Variants in PPP4R1 observed in about 807,000 individuals in gnomAD.
PPP4R1 encodes the protein protein phosphatase 4 regulatory subunit 1, also known as serine/threonine-protein phosphatase 4 regulatory subunit 1.
Under a neutral mutation model 111.2 loss-of-function variants are expected in PPP4R1, and 42 were observed. The ratio of observed to expected loss-of-function variants is 0.38; its 90% CI spans 0.29 to 0.49. The LOEUF is 0.49. Among genes scored for constraint, PPP4R1 ranks in the 20% least tolerant of loss-of-function variants. The probability of loss-of-function intolerance (pLI) is 0.97; values close to 1 mark genes in which losing one functional copy is unlikely to be tolerated. For synonymous variants in PPP4R1, 409 were observed against 405.5 expected (o/e 1.01, Z -0.10); for missense variants, 1,012 against 1,161.6 (o/e 0.87, Z 1.87).
intron 15 of PPP4R1, among the ~76,000 whole-genome samples, chr18:9,554,276 T>TCCGCG: frequency 6.6e-6 from 1 of 151,916 alleles, no homozygotes; most frequent in Middle Eastern, 3.4e-3. Context: ...TACAGGCGCA[T>TCCGCG]GCCACCACGC....
rs771903431 is a variant in PPP4R1 at position 9,583,240 on chromosome 18, T to C, written c.795A>G (p.Val265=). ...CAGCACAAGCCTTTCGGACTCCCCA[T>C]ACATTATCAGAACAAAGCTGGAAAA... The part of the protein sequence containing the change: ...PRFFQLCSDN[V]WGVRKACAEC... The change falls in exon 9 of 20, where the codon GTA becomes GTG. Residue 265 remains valine, a synonymous_variant. Transcript: ENST00000400556. 1 of 1,601,328 alleles carries C rather than the reference T, an allele frequency of 6.2e-7. No homozygotes were observed. Among genetic ancestry groups the C allele is most frequent in the African/African-American group, 1.3e-5 (1 of 74,760 alleles).
At chr18:9,584,417 T>C in intron 8 of PPP4R1, 98 bp downstream of exon 8, 1 of 1,012,766 alleles carries the variant, frequency 9.9e-7, no homozygotes, top group African/African-American at 1.6e-5. Flanking sequence ...ATTCATGGAA[T>C]TGTGTTAATA....
chr18:9,570,797 G>A (rs1423745244), intron 10 of PPP4R1, 114 bp from the exon 11 acceptor site: 17 of 1,134,478 alleles, frequency 1.5e-5, no homozygotes, highest in Non-Finnish European at 2.0e-5. Flanking sequence ...TAAAAATTAC[G>A]GATTATCTGT....
intron 2 of PPP4R1, among the ~76,000 whole-genome samples, chr18:9,606,608 G>A (rs919715005): frequency 6.6e-6 from 1 of 151,984 alleles, no homozygotes; most frequent in African/African-American, 2.4e-5. Flanking sequence ...ATGCAAAATT[G>A]TCCTATAGCA....
intron 19 of PPP4R1, 60 bp downstream of exon 19, chr18:9,549,137 G>C: frequency 6.4e-7 from 1 of 1,564,052 alleles, no homozygotes; most frequent in Non-Finnish European, 8.8e-7. Flanking sequence ...TGCTGATCCA[G>C]TGCAGTCCAC....
At chr18:9,553,469 T>C (rs2066521039) in intron 15 of PPP4R1, 47 bp from the exon 16 acceptor site, 2 of 1,318,718 alleles carry the variant, frequency 1.5e-6, no homozygotes, top group Non-Finnish European at 2.1e-6. Context: ...GTACAGACAG[T>C]ATTTCTTTTA....
intron 13 of PPP4R1, among the ~76,000 whole-genome samples, chr18:9,560,589 G>A (rs2066657110): frequency 1.3e-5 from 2 of 152,064 alleles, no homozygotes. Context: ...AAATGAAAAT[G>A]GAAATAAACT....
At position 9,584,497 on chromosome 18, in the gene PPP4R1, T is replaced by C; in HGVS notation, c.759+18A>G. The stretch of plus-strand genomic sequence containing the variant: ...TTGTAACACACACTGTTTACTCCTT[T>C]ATATCTGCAATACTTACCAACATTT... On this transcript the variant is annotated intron_variant, in intron 8 of 19. Transcript: ENST00000400556. 4.4e-6 allele frequency: 7 copies of C among 1,604,852 alleles called. No individual in the cohort carries two copies. Among genetic ancestry groups the C allele is most frequent in the Non-Finnish European group, 6.0e-6 (7 of 1,176,232 alleles).
intron 2 of PPP4R1, among the ~76,000 whole-genome samples, chr18:9,610,433 T>TA (rs1257005224): frequency 6.6e-6 from 1 of 152,194 alleles, no homozygotes; most frequent in Non-Finnish European, 1.5e-5. Context: ...CTTTTAAACT[T>TA]AAATACATAT....
chr18:9,553,937 A>C (rs1164140064), intron 15 of PPP4R1, among the ~76,000 whole-genome samples: 1 of 152,240 alleles, frequency 6.6e-6, no homozygotes, highest in Non-Finnish European at 1.5e-5. Context: ...TCAGATGGAA[A>C]ACAATCACAC....
intron 2 of PPP4R1, among the ~76,000 whole-genome samples, chr18:9,611,352 G>A (rs2067576707): frequency 6.6e-6 from 1 of 152,092 alleles, no homozygotes; most frequent in Admixed American, 6.6e-5. Flanking sequence ...TATAAGGGCA[G>A]CCCAAGCTCC....
chr18:9,595,869 A>C (rs944560916), intron 2 of PPP4R1, among the ~76,000 whole-genome samples: 6 of 152,220 alleles, frequency 3.9e-5, no homozygotes, highest in Non-Finnish European at 8.8e-5. Context: ...GCAATGAGTG[A>C]AAGTATGATT....
At chr18:9,590,594 C>T (rs2067194645) in intron 4 of PPP4R1, among the ~76,000 whole-genome samples, 1 of 151,926 alleles carries the variant, frequency 6.6e-6, no homozygotes, top group Admixed American at 6.5e-5. Context: ...GGAATAAAGC[C>T]CAGAAACAGA....
chr18:9,557,299 A>G lies in PPP4R1; in HGVS notation c.2112T>C (p.Val704=), dbSNP rs192475127. 1.9e-6 allele frequency: 3 copies of G among 1,613,192 alleles called. No individual in the cohort carries two copies. The African/African-American group carries it at 4.0e-5, about 22-fold the overall frequency. ...CTTTTAAAAATCCATTAAAAATTGG[A>G]ACCAGATCTGCAGCTGTCAATTGAT... ...LGDQLTAADL[V]PIFNGFLKDL... Residue 704 remains valine, a synonymous_variant, in exon 15 of 20, where the codon GTT becomes GTC. Transcript: ENST00000400556.
intron 4 of PPP4R1, among the ~76,000 whole-genome samples, chr18:9,591,959 C>A (rs538596535): frequency 1.3e-5 from 2 of 152,204 alleles, no homozygotes; most frequent in South Asian, 4.1e-4. Context: ...CCCAGTTATT[C>A]GAGAGGCTGA....
intron 15 of PPP4R1, among the ~76,000 whole-genome samples, chr18:9,556,285 T>C (rs2066583574): frequency 6.6e-6 from 1 of 151,626 alleles, no homozygotes; most frequent in Non-Finnish European, 1.5e-5. Flanking sequence ...CTCCACCTCC[T>C]GGGCTCAAGC....
chr18:9,564,799 C>G (rs1251069824), intron 11 of PPP4R1, among the ~76,000 whole-genome samples: 1 of 148,920 alleles, frequency 6.7e-6, no homozygotes, highest in South Asian at 2.1e-4. Context: ...TGTTTTATTG[C>G]ACTTTGTAGA....
intron 16 of PPP4R1, chr18:9,551,201 C>T (rs537855872): frequency 6.6e-6 from 1 of 152,318 alleles, no homozygotes; most frequent in South Asian, 2.1e-4. Flanking sequence ...ACGTCACTGA[C>T]CCTACAGTAG....
chr18:9,580,981 G>A (rs2067019433), intron 9 of PPP4R1, among the ~76,000 whole-genome samples: 1 of 152,186 alleles, frequency 6.6e-6, no homozygotes, highest in African/African-American at 2.4e-5. Flanking sequence ...TCATACCAGG[G>A]TGGCTGTGGG....
Sources: allele counts gnomAD v4.1 joint callset (sites outside exome capture counted in the v4.1 genomes callset), GRCh38; gene constraint gnomAD v4.1.1; transcripts MANE v1.5; gene names NCBI Gene and HGNC (gene_info 2026-07-23, HGNC 2026-07-21).